RNF175: variants seen among roughly 807,000 people sequenced by gnomAD.
RNF175 encodes the protein ring finger protein 175.
A neutral mutation model predicts 50.0 loss-of-function variants in RNF175; 38 were observed. That is an observed-to-expected ratio of 0.76 (90% CI 0.59 to 1.00). The LOEUF (loss-of-function observed/expected upper bound fraction) is 1.00. Ranked by LOEUF, RNF175 falls within the 50% of genes least tolerant of loss-of-function variation. The pLI is 0.00. For missense variants in RNF175, 388 were observed against 409.6 expected (o/e 0.95, Z 0.46); for synonymous variants, 155 against 146.1 (o/e 1.06, Z -0.44).
intron 6 of RNF175, among the ~76,000 whole-genome samples, chr4:153,716,108 T>G (rs1737912061): frequency 6.9e-6 from 1 of 145,488 alleles, no homozygotes; most frequent in East Asian, 2.0e-4. Flanking sequence ...GCTTCTAAGA[T>G]AGTTTAGAAT....
intron 3 of RNF175, among the ~76,000 whole-genome samples, chr4:153,728,882 C>T (rs1447328402): frequency 1.3e-5 from 2 of 152,142 alleles, no homozygotes; most frequent in African/African-American, 2.4e-5. Context: ...TCAGAGAAGC[C>T]CCTGGGATGT....
rs1243760778 is a variant in RNF175 at position 153,712,528 on chromosome 4, CT to C, written c.812del (p.Gln271ArgfsTer12). Reference protein sequence around the residue: ...IRGWCIVGKKQTCPYCKEKVD... With the variant: ...IRGWCIVGKKXTCPYCKEKVD... ...CTTTCTCTTTGCAGTAAGGGCAAGT[CT>C]GCTTTTTCCCAACGATACACCAACC... On this transcript the variant is annotated frameshift_variant, in exon 8 of 9. Coordinates refer to ENST00000347063, the MANE Select transcript of RNF175 (RefSeq NM_173662.4). LOFTEE classifies it high-confidence loss of function. 11 of 1,613,408 alleles carry C rather than the reference CT, an allele frequency of 6.8e-6. No individual in the cohort carries two copies. The highest frequency in any genetic ancestry group is 8.5e-6 in the Non-Finnish European group (10 of 1,179,548).
At chr4:153,733,974 T>C (rs539071108) in intron 3 of RNF175, among the ~76,000 whole-genome samples, 1 of 152,368 alleles carries the variant, frequency 6.6e-6, no homozygotes, top group Admixed American at 6.5e-5. Context: ...CTTTTTCACA[T>C]TGGTTTGTTT....
intron 6 of RNF175, among the ~76,000 whole-genome samples, chr4:153,718,469 C>T (rs1184478226): frequency 6.6e-6 from 1 of 151,774 alleles, no homozygotes; most frequent in Non-Finnish European, 1.5e-5. Flanking sequence ...GATTTGGTCG[C>T]TGGAATAAAC....
intron 5 of RNF175, 163 bp from the exon 6 acceptor site, chr4:153,720,467 C>T (rs762176315): frequency 6.4e-5 from 38 of 590,932 alleles, no homozygotes; most frequent in Non-Finnish European, 1.1e-4. Context: ...AATTTAAAAT[C>T]CTCTGAATTT....
chr4:153,758,171 G>A (rs749885061), intron 1 of RNF175, among the ~76,000 whole-genome samples: 3 of 152,136 alleles, frequency 2.0e-5, no homozygotes, highest in Non-Finnish European at 4.4e-5. Flanking sequence ...ATAATAGGCT[G>A]GTCAGTAACT....
chr4:153,758,012 G>C (rs1236384821), intron 1 of RNF175, among the ~76,000 whole-genome samples: 1 of 152,194 alleles, frequency 6.6e-6, no homozygotes, highest in Non-Finnish European at 1.5e-5. Flanking sequence ...GAGCGAGCAA[G>C]GCAGACCACA....
chr4:153,717,776 TC>T (rs1233891678), intron 6 of RNF175, among the ~76,000 whole-genome samples: 1 of 152,186 alleles, frequency 6.6e-6, no homozygotes, highest in Non-Finnish European at 1.5e-5. Flanking sequence ...GCACCTTTTT[TC>T]CCACCCCTTT....
At chr4:153,730,534 T>C (rs552261285) in intron 3 of RNF175, among the ~76,000 whole-genome samples, 4 of 152,320 alleles carry the variant, frequency 2.6e-5, no homozygotes, top group African/African-American at 9.6e-5. Context: ...AAATTATACA[T>C]TTGCTGACTT....
chr4:153,710,470 G>T lies in RNF175; in HGVS notation c.886C>A (p.Leu296Met). Residue 296 changes from leucine (L) to methionine (M), a missense_variant, in exon 9 of 9, where the codon CTG becomes ATG. Leu to Met is a conservative substitution (Grantham distance 15). Coordinates refer to ENST00000347063, the MANE Select transcript of RNF175 (RefSeq NM_173662.4). Reference sequence around the variant, plus strand: ...AGCCAATCCAGGATTTGTCCATACAGAAAATGTGTGCGCTCCCAGCTAAAT... The same window carrying T: ...AGCCAATCCAGGATTTGTCCATACATAAAATGTGTGCGCTCCCAGCTAAAT... ...ISNPWERTHF[L>M]YGQILDWLRY... 1 of 1,608,258 alleles carries T rather than the reference G, an allele frequency of 6.2e-7. No homozygotes were observed.
chr4:153,754,378 CA>C (rs1740460882), intron 1 of RNF175, among the ~76,000 whole-genome samples: 1 of 152,062 alleles, frequency 6.6e-6, no homozygotes, highest in Admixed American at 6.6e-5. Flanking sequence ...CCAGGCTCCT[CA>C]ATTAACTGCA....
chr4:153,725,134 G>A (rs1207483740), intron 4 of RNF175, among the ~76,000 whole-genome samples: 1 of 151,354 alleles, frequency 6.6e-6, no homozygotes, highest in Admixed American at 6.6e-5. Context: ...GCGTGGGGGA[G>A]TGGGCAGGGG....
At chr4:153,717,508 A>AACAC (rs920128622) in intron 6 of RNF175, among the ~76,000 whole-genome samples, 2 of 138,324 alleles carry the variant, frequency 1.4e-5, no homozygotes, top group African/African-American at 5.3e-5. Context: ...TGTATATACT[A>AACAC]ACACACACAC....
At chr4:153,752,307 T>C (rs1014689866) in intron 1 of RNF175, among the ~76,000 whole-genome samples, 12 of 152,208 alleles carry the variant, frequency 7.9e-5, no homozygotes, top group Admixed American at 2.6e-4. Context: ...CTCATGCACC[T>C]TGACTACCTG....
At chr4:153,716,063 CA>C (rs35531787) in intron 6 of RNF175, among the ~76,000 whole-genome samples, 23,522 of 90,708 alleles carry the variant, frequency 0.26, 995 homozygotes, top group Middle Eastern at 0.31. Context: ...GACTCTGTCT[CA>C]AAAAAAAAAA....
intron 3 of RNF175, among the ~76,000 whole-genome samples, chr4:153,738,371 A>G (rs1325046491): frequency 6.8e-5 from 10 of 146,334 alleles, no homozygotes; most frequent in African/African-American, 2.5e-4. Flanking sequence ...TTTTTGGTAG[A>G]GATAAGGTGT....
At chr4:153,723,760 C>A (rs770098596) in intron 4 of RNF175, among the ~76,000 whole-genome samples, 11 of 152,144 alleles carry the variant, frequency 7.2e-5, no homozygotes, top group South Asian at 2.1e-4. Flanking sequence ...CTTCCTGGGA[C>A]CCTGCCTCCC....
intron 3 of RNF175, among the ~76,000 whole-genome samples, chr4:153,735,825 T>C (rs1483782249): frequency 1.3e-5 from 2 of 152,256 alleles, no homozygotes; most frequent in South Asian, 2.1e-4. Flanking sequence ...CAATTGACTT[T>C]TGTATATTTA....
At chr4:153,720,006 T>G (rs1262092739) in intron 6 of RNF175, among the ~76,000 whole-genome samples, 178 bp downstream of exon 6, 1 of 152,242 alleles carries the variant, frequency 6.6e-6, no homozygotes, top group Non-Finnish European at 1.5e-5. Flanking sequence ...AAGAATTTTT[T>G]GATGAAAGGA....
Sources: allele counts gnomAD v4.1 joint callset (sites outside exome capture counted in the v4.1 genomes callset), GRCh38; gene constraint gnomAD v4.1.1; transcripts MANE v1.5; gene names NCBI Gene and HGNC (gene_info 2026-07-23, HGNC 2026-07-21).